The following PLOD2 variants were observed in gnomAD, a reference collection of about 807,000 sequenced individuals.
PLOD2 encodes the protein lysine hydroxylase 2.
Under a neutral mutation model 101.0 loss-of-function variants are expected in PLOD2, and 65 were observed. That is an observed-to-expected ratio of 0.64 (90% confidence interval 0.53 to 0.79). The LOEUF is 0.79. Ranked by LOEUF, PLOD2 falls within the 30% of genes least tolerant of loss-of-function variation. The pLI, the probability that PLOD2 is intolerant of heterozygous loss-of-function variation, is 0.00. For missense variants in PLOD2, 909 were observed against 914.6 expected (o/e 0.99, Z 0.08); for synonymous variants, 314 against 302.9 (o/e 1.04, Z -0.38).
chr3:146,089,461 C>T (rs1425214167), intron 8 of PLOD2, among the ~76,000 whole-genome samples: 1 of 151,466 alleles, frequency 6.6e-6, no homozygotes, highest in Non-Finnish European at 1.5e-5. Flanking sequence ...TAAGTAAACA[C>T]CCATGTAACA....
chr3:146,077,045 TTAAAA>T (rs1936371916), intron 14 of PLOD2, 150 bp from the exon 15 acceptor site: 2 of 1,302,894 alleles, frequency 1.5e-6, no homozygotes, highest in African/African-American at 1.5e-5. Context: ...TGTGCATAGT[TTAAAA>T]TAAAAAACTC....
Position 146,161,037 on chromosome 3 carries a change from G to A in PLOD2, c.-48C>T. On this transcript the variant is annotated 5_prime_UTR_variant, in exon 1 of 20. Transcript: ENST00000282903. The stretch of plus-strand genomic sequence containing the variant: ...GGGCTCAGGCGCCCACGGCCCCGCA[G>A]CGCCGCGCTTCTCGCGAGAACGCAG... The A allele has an allele frequency of 7.7e-7, 1 of 1,296,606 alleles. No individual in the cohort carries two copies. The highest frequency in any genetic ancestry group is 1.1e-6 in the Non-Finnish European group (1 of 918,366). 80.3% of individuals were successfully genotyped at this position (1,296,606 alleles called of 1,614,324 possible).
At chr3:146,080,900 T>C (rs928193799) in intron 12 of PLOD2, among the ~76,000 whole-genome samples, 1 of 152,174 alleles carries the variant, frequency 6.6e-6, no homozygotes, top group East Asian at 1.9e-4. Context: ...CAATTACTAT[T>C]TCCACAAGCA....
chr3:146,071,141 T>G lies in PLOD2; in HGVS notation c.2022A>C (p.Val674=), dbSNP rs763894955. 1.2e-6 allele frequency: 2 copies of G among 1,611,200 alleles called. No homozygotes were observed. The highest frequency in any genetic ancestry group is 1.7e-6 in the Non-Finnish European group (2 of 1,178,206). Residue 674 remains valine (V), a synonymous_variant, in exon 19 of 20, where the codon GTA becomes GTC. Transcript: ENST00000282903. The part of the protein sequence containing the change: ...TKGFALLNFV[V]KYSPERQRSL... ...AACGCTGTCGTTCAGGGGAGTATTT[T>G]ACTACAAAATTCAGTAGTGCAAATC...
intron 7 of PLOD2, among the ~76,000 whole-genome samples, chr3:146,097,826 A>ATAATAAT (rs34940478): frequency 1.0e-3 from 147 of 144,134 alleles, no homozygotes; most frequent in Middle Eastern, 3.5e-3. Context: ...AATAATAATA[A>ATAATAAT]AAAAAGAAAA....
intron 3 of PLOD2, among the ~76,000 whole-genome samples, chr3:146,112,568 T>A (rs775076037): frequency 4.0e-5 from 6 of 151,768 alleles, no homozygotes; most frequent in Non-Finnish European, 5.9e-5. Flanking sequence ...AAAACCTAGA[T>A]GAGGCCGGGC....
intron 1 of PLOD2, among the ~76,000 whole-genome samples, chr3:146,137,659 T>G (rs2669397): frequency 0.97 from 147,761 of 152,220 alleles, 71,794 homozygotes; most frequent in Non-Finnish European, 0.99. Context: ...ACTACCCAAA[T>G]ACTTGTATAA....
intron 3 of PLOD2, among the ~76,000 whole-genome samples, chr3:146,116,904 C>A (rs569494463): frequency 3.9e-5 from 6 of 152,044 alleles, no homozygotes; most frequent in African/African-American, 1.4e-4. Flanking sequence ...TAATTTTAAA[C>A]GTTCATCCAA....
chr3:146,092,193 A>G (rs1279386362), intron 7 of PLOD2, among the ~76,000 whole-genome samples: 1 of 152,030 alleles, frequency 6.6e-6, no homozygotes, highest in Non-Finnish European at 1.5e-5. Context: ...AAAAAAGAAA[A>G]AGCAAACAAT....
chr3:146,116,174 T>A (rs1192475749), intron 3 of PLOD2, among the ~76,000 whole-genome samples: 1 of 151,994 alleles, frequency 6.6e-6, no homozygotes. Context: ...TTTCCAGAGA[T>A]AATTAACATC....
At chr3:146,116,302 T>C (rs910156605) in intron 3 of PLOD2, among the ~76,000 whole-genome samples, 2 of 151,856 alleles carry the variant, frequency 1.3e-5, no homozygotes, top group African/African-American at 2.4e-5. Context: ...AACACCCACG[T>C]ACCCAGTTGA....
rs543166508 is a variant in PLOD2 at position 146,153,831 on chromosome 3, A to C, written c.109+7050T>G. Among the ~76,000 whole-genome samples, 586 of 105,738 alleles carry C rather than the reference A, an allele frequency of 5.5e-3. 3 individuals carry two copies. Among genetic ancestry groups the C allele is most frequent in the Non-Finnish European group, 8.9e-3 (450 of 50,734 alleles). 69.4% of individuals were successfully genotyped at this position (105,738 alleles called of 152,430 possible). A position where few individuals can be genotyped will look rare whatever the true frequency, so the allele number is the denominator to read the frequency against. On this transcript the variant is annotated intron_variant, in intron 1 of 19. Coordinates refer to ENST00000282903, the MANE Select transcript of PLOD2 (RefSeq NM_182943.3). Reference sequence around the variant, plus strand: ...AGAATTTTTACCTGTCCACAGCACAAAAAAAAAAAAAAAGATAAGAAAAAC... The same window carrying C: ...AGAATTTTTACCTGTCCACAGCACACAAAAAAAAAAAAAGATAAGAAAAAC...
intron 13 of PLOD2, among the ~76,000 whole-genome samples, chr3:146,078,265 A>G (rs768112481): frequency 2.0e-5 from 3 of 151,852 alleles, no homozygotes; most frequent in Non-Finnish European, 2.9e-5. Flanking sequence ...GCCAAACATG[A>G]GCACAAAATA....
Position 146,111,710 on chromosome 3 carries a change from G to A in PLOD2, c.339-1262C>T, listed in dbSNP as rs905359468. ...TTTTCTGACTGAAACCTCAAACTTT[G>A]CCCTGTTTATTAAAAAAAAAACTGA... On this transcript the variant is annotated intron_variant, in intron 3 of 19. Transcript: ENST00000282903. Among the ~76,000 whole-genome samples, 25 of 123,102 alleles carry A rather than the reference G, an allele frequency of 2.0e-4. No homozygotes were observed. In the Admixed American group the frequency reaches 2.0e-3, roughly 10 times the overall value. The allele number at this position is 123,102 out of a possible 152,430, so 80.8% of individuals were successfully genotyped here.
intron 1 of PLOD2, among the ~76,000 whole-genome samples, chr3:146,148,336 A>ACG (rs145944996): frequency 0.026 from 2,193 of 83,990 alleles, 56 homozygotes; most frequent in East Asian, 0.16. Context: ...GCAGGCAGGC[A>ACG]CGCACACACA....
At chr3:146,072,210 G>A (rs944282235) in intron 17 of PLOD2, among the ~76,000 whole-genome samples, 20 of 151,648 alleles carry the variant, frequency 1.3e-4, no homozygotes, top group African/African-American at 3.9e-4. Flanking sequence ...TTTCACCACA[G>A]CTCACTGTGA....
At chr3:146,123,650 T>C (rs1052044383) in intron 2 of PLOD2, among the ~76,000 whole-genome samples, 4 of 152,076 alleles carry the variant, frequency 2.6e-5, no homozygotes, top group Non-Finnish European at 5.9e-5. Context: ...GAAAAAATTA[T>C]GCAGTCAGTG....
At chr3:146,078,148 A>C (rs1205054960) in intron 13 of PLOD2, among the ~76,000 whole-genome samples, 1 of 151,804 alleles carries the variant, frequency 6.6e-6, no homozygotes, top group Non-Finnish European at 1.5e-5. Flanking sequence ...GGTGGGGTCA[A>C]ACATAAGTCT....
intron 1 of PLOD2, among the ~76,000 whole-genome samples, chr3:146,127,580 T>C (rs1353594417): frequency 6.6e-6 from 1 of 152,164 alleles, no homozygotes; most frequent in Non-Finnish European, 1.5e-5. Context: ...CAACCACTGA[T>C]GGACTTTTAG....
Sources: gnomAD v4.1 joint callset for allele counts (sites outside exome capture counted in the v4.1 genomes callset) on GRCh38, gnomAD v4.1.1 for gene constraint, MANE v1.5 for transcripts, NCBI Gene and HGNC (gene_info 2026-07-23, HGNC 2026-07-21) for gene names.